Variants in KCNIP4 observed in about 807,000 individuals in gnomAD.
KCNIP4 encodes the protein Kv channel-interacting protein 4.
In KCNIP4, 12 loss-of-function variants were observed where a neutral mutation model predicts 34.0. The ratio of observed to expected loss-of-function variants is 0.35; its 90% CI spans 0.23 to 0.57. The LOEUF is 0.57. Among genes scored for constraint, KCNIP4 ranks in the 20% least tolerant of loss-of-function variants. The pLI is 0.83. For synonymous variants in KCNIP4, 124 were observed against 102.2 expected (o/e 1.21, Z -1.29); for missense variants, 238 against 311.7 (o/e 0.76, Z 1.78).
intron 1 of KCNIP4, among the ~76,000 whole-genome samples, chr4:21,554,825 G>T (rs1738862840): frequency 6.6e-6 from 1 of 151,950 alleles, no homozygotes; most frequent in East Asian, 1.9e-4. Flanking sequence ...GTTCTTTATG[G>T]TCACATGTAA....
At position 20,896,361 on chromosome 4, in the gene KCNIP4, A is replaced by T. The variant is rs116913037; in HGVS notation, c.62-13652T>A. On this transcript the variant is annotated intron_variant, in intron 1 of 8. Transcript: ENST00000382152. The stretch of plus-strand genomic sequence containing the variant: ...TTTGAATTGTGTCTTTCAAAAATTC[A>T]TGTTCATCTAGAACTTCAGAATGTG... Among the ~76,000 whole-genome samples, 3 of 152,338 alleles carry T rather than the reference A, an allele frequency of 2.0e-5. No homozygotes were observed. The East Asian group carries it at 5.8e-4, about 29-fold the overall frequency.
intron 1 of KCNIP4, among the ~76,000 whole-genome samples, chr4:21,297,941 G>A (rs756006169): frequency 3.3e-5 from 5 of 151,954 alleles, no homozygotes; most frequent in Non-Finnish European, 7.4e-5. Context: ...TTTATCTTGT[G>A]CAGTCACAAT....
At chr4:21,930,825 G>A (rs888605738) in intron 1 of KCNIP4, among the ~76,000 whole-genome samples, 1 of 152,054 alleles carries the variant, frequency 6.6e-6, no homozygotes, top group African/African-American at 2.4e-5. Context: ...TAGCACTTAC[G>A]TCATGTTGCT....
At chr4:21,116,478 T>C (rs1749685169) in intron 1 of KCNIP4, among the ~76,000 whole-genome samples, 1 of 152,236 alleles carries the variant, frequency 6.6e-6, no homozygotes, top group Non-Finnish European at 1.5e-5. Context: ...TCTTGTTCTA[T>C]GGCTTCTGCC....
At chr4:21,111,997 C>A (rs571609569) in intron 1 of KCNIP4, among the ~76,000 whole-genome samples, 4 of 142,002 alleles carry the variant, frequency 2.8e-5, no homozygotes, top group African/African-American at 1.1e-4. Flanking sequence ...AACATCAAAA[C>A]AAACAACAAC....
chr4:20,999,613 GA>G (rs1737920783), intron 1 of KCNIP4, among the ~76,000 whole-genome samples: 1 of 151,856 alleles, frequency 6.6e-6, no homozygotes, highest in Non-Finnish European at 1.5e-5. Context: ...GACTAATTAA[GA>G]GGCTGTTTCA....
intron 5 of KCNIP4, among the ~76,000 whole-genome samples, chr4:20,747,208 T>C (rs530751626): frequency 3.9e-4 from 60 of 152,290 alleles, no homozygotes; most frequent in African/African-American, 1.4e-3. Context: ...ATACTAAATT[T>C]ACATATAAAA....
chr4:20,801,842 A>G (rs13130253), intron 3 of KCNIP4, among the ~76,000 whole-genome samples: 40,673 of 151,852 alleles, frequency 0.27, 6,578 homozygotes, highest in Admixed American at 0.42. Flanking sequence ...CTAAATGATA[A>G]CCTAGAATGT....
chr4:21,351,574 G>T (rs1488392213), intron 1 of KCNIP4, among the ~76,000 whole-genome samples: 1 of 152,040 alleles, frequency 6.6e-6, no homozygotes, highest in Non-Finnish European at 1.5e-5. Flanking sequence ...TACTAATACA[G>T]TTTCCATAGT....
intron 1 of KCNIP4, among the ~76,000 whole-genome samples, chr4:21,193,084 C>T (rs952461182): frequency 7.3e-5 from 11 of 150,528 alleles, no homozygotes; most frequent in Non-Finnish European, 1.5e-4. Context: ...CCACTGCACT[C>T]CAGCCTGGGA....
chr4:21,476,201 A>C (rs561975497), intron 1 of KCNIP4, among the ~76,000 whole-genome samples: 1 of 152,016 alleles, frequency 6.6e-6, no homozygotes, highest in East Asian at 1.9e-4. Context: ...GAAGAAAAGT[A>C]ATCTATACTT....
chr4:21,738,140 A>AAAT (rs1466345548), intron 1 of KCNIP4, among the ~76,000 whole-genome samples: 4 of 146,042 alleles, frequency 2.7e-5, no homozygotes, highest in Admixed American at 1.4e-4. Context: ...AATAAATAAT[A>AAAT]AATAAAAGGC....
intron 1 of KCNIP4, among the ~76,000 whole-genome samples, chr4:20,999,447 T>G (rs1239267057): frequency 1.3e-4 from 16 of 126,536 alleles, no homozygotes; most frequent in Non-Finnish European, 1.9e-4. Context: ...TGTTTTTTTT[T>G]TTTTTTTTTA....
intron 1 of KCNIP4, among the ~76,000 whole-genome samples, chr4:21,771,129 G>A (rs1718755014): frequency 6.6e-6 from 1 of 152,190 alleles, no homozygotes. Flanking sequence ...CAAGTGTAAA[G>A]AAGGGGTCCA....
chr4:21,813,337 A>G (rs1469721680), intron 1 of KCNIP4, among the ~76,000 whole-genome samples: 1 of 152,222 alleles, frequency 6.6e-6, no homozygotes, highest in Non-Finnish European at 1.5e-5. Flanking sequence ...AGTATTAACA[A>G]CACAAATTAA....
chr4:21,420,465 T>A (rs941545303), intron 1 of KCNIP4, among the ~76,000 whole-genome samples: 10 of 152,168 alleles, frequency 6.6e-5, no homozygotes, highest in Non-Finnish European at 5.9e-5. Context: ...ATCAGATAAA[T>A]CAATATCTTG....
At chr4:21,925,259 G>A (rs1729174672) in intron 1 of KCNIP4, among the ~76,000 whole-genome samples, 2 of 136,314 alleles carry the variant, frequency 1.5e-5, no homozygotes, top group Non-Finnish European at 3.0e-5. Context: ...ACAGTCCCTG[G>A]TGTGTGATGT....
chr4:21,271,682 T>C (rs1762151737), intron 1 of KCNIP4, among the ~76,000 whole-genome samples: 1 of 152,136 alleles, frequency 6.6e-6, no homozygotes, highest in Non-Finnish European at 1.5e-5. Context: ...GGGCTACACT[T>C]CCAGAAGCTT....
intron 1 of KCNIP4, among the ~76,000 whole-genome samples, chr4:21,859,557 G>C (rs925883053): frequency 4.6e-5 from 7 of 151,816 alleles, no homozygotes; most frequent in African/African-American, 1.7e-4. Context: ...GAACCTGGGA[G>C]GCGGAGCTTG....
Sources: allele counts gnomAD v4.1 joint callset (sites outside exome capture counted in the v4.1 genomes callset), GRCh38; gene constraint gnomAD v4.1.1; transcripts MANE v1.5; gene names NCBI Gene and HGNC (gene_info 2026-07-23, HGNC 2026-07-21).